TAFA5: variants seen among roughly 807,000 people sequenced by gnomAD.
TAFA5 encodes the protein chemokine-like protein TAFA-5.
A neutral mutation model predicts 15.3 loss-of-function variants in TAFA5; 6 were observed. The observed-to-expected ratio is 0.39, with a 90% CI of 0.21 to 0.77. The LOEUF (loss-of-function observed/expected upper bound fraction) is 0.77, where lower values mean the gene tolerates loss of function less well. Ranked by LOEUF, TAFA5 falls within the 30% of genes least tolerant of loss-of-function variation. The pLI, the probability that TAFA5 is intolerant of heterozygous loss-of-function variation, is 0.41. For synonymous variants in TAFA5, 103 were observed against 80.7 expected, an observed-to-expected ratio of 1.28 and a Z score of -1.48; for missense variants, 161 against 193.1, an observed-to-expected ratio of 0.83 and a Z score of 0.98.
chr22:48,540,074 C>T (rs1324043236), intron 1 of TAFA5, among the ~76,000 whole-genome samples: 2 of 152,220 alleles, frequency 1.3e-5, no homozygotes, highest in East Asian at 3.9e-4. Flanking sequence ...GCCGGCAAGC[C>T]TTGACTGCAG....
chr22:48,749,152 T>TGAGGATTGCTTGGAGCACC (rs1237036643), intron 3 of TAFA5, among the ~76,000 whole-genome samples: 2 of 152,168 alleles, frequency 1.3e-5, no homozygotes, highest in African/African-American at 4.8e-5. Flanking sequence ...CAAGGAGCAC[T>TGAGGATTGCTTGGAGCACC]GAGGATTGCT....
intron 1 of TAFA5, among the ~76,000 whole-genome samples, chr22:48,599,999 C>T (rs1279532014): frequency 6.6e-6 from 1 of 152,150 alleles, no homozygotes; most frequent in Non-Finnish European, 1.5e-5. Flanking sequence ...AGCTCTCCCC[C>T]CGTCTGTCTC....
intron 3 of TAFA5, among the ~76,000 whole-genome samples, chr22:48,722,078 T>C (rs130179): frequency 0.4 from 60,261 of 151,920 alleles, 12,899 homozygotes; most frequent in Non-Finnish European, 0.48. Context: ...CTGGGTCAAA[T>C]AGTATTTCTA....
intron 3 of TAFA5, among the ~76,000 whole-genome samples, chr22:48,745,821 A>T (rs1181037927): frequency 6.6e-6 from 1 of 152,028 alleles, no homozygotes; most frequent in East Asian, 1.9e-4. Context: ...CACAGGCTGG[A>T]GCTTGGTGTC....
intron 1 of TAFA5, among the ~76,000 whole-genome samples, chr22:48,496,484 A>T (rs746121268): frequency 6.6e-6 from 1 of 152,182 alleles, no homozygotes; most frequent in Non-Finnish European, 1.5e-5. Flanking sequence ...CCAGAAGGTC[A>T]CGTGGATGTG....
intron 3 of TAFA5, among the ~76,000 whole-genome samples, chr22:48,717,304 A>G (rs1929430032): frequency 6.6e-6 from 1 of 152,220 alleles, no homozygotes; most frequent in South Asian, 2.1e-4. Flanking sequence ...CACTGCTGGA[A>G]CGGGCCGTCA....
chr22:48,711,168 AG>A (rs1158429781), intron 3 of TAFA5, among the ~76,000 whole-genome samples: 3 of 152,170 alleles, frequency 2.0e-5, no homozygotes, highest in African/African-American at 7.2e-5. Flanking sequence ...CAGCAGAGGA[AG>A]GACGGCTGTC....
At chr22:48,677,447 C>G (rs1282683541) in intron 2 of TAFA5, among the ~76,000 whole-genome samples, 2 of 152,232 alleles carry the variant, frequency 1.3e-5, no homozygotes, top group African/African-American at 2.4e-5. Flanking sequence ...GCTGTAGTGA[C>G]CTTCCCGTGT....
intron 2 of TAFA5, among the ~76,000 whole-genome samples, chr22:48,706,841 T>C (rs1476258702): frequency 6.6e-6 from 1 of 152,260 alleles, no homozygotes; most frequent in East Asian, 1.9e-4. Flanking sequence ...GTTATGTTAA[T>C]ACAATCAGCT....
chr22:48,663,668 G>A (rs1273904870), intron 2 of TAFA5, among the ~76,000 whole-genome samples: 2 of 152,184 alleles, frequency 1.3e-5, no homozygotes, highest in African/African-American at 2.4e-5. Flanking sequence ...TAAATTGCAC[G>A]TCATTCTGAG....
At chr22:48,593,971 TTC>T (rs1168664957) in intron 1 of TAFA5, among the ~76,000 whole-genome samples, 1 of 152,212 alleles carries the variant, frequency 6.6e-6, no homozygotes, top group Admixed American at 6.5e-5. Context: ...TCCTATTATT[TTC>T]TCTATCTTCT....
chr22:48,730,944 C>T (rs542425701), intron 3 of TAFA5, among the ~76,000 whole-genome samples: 1 of 152,250 alleles, frequency 6.6e-6, no homozygotes, highest in African/African-American at 2.4e-5. Context: ...TAGAAGTGAT[C>T]GAGCTTCGTG....
intron 2 of TAFA5, among the ~76,000 whole-genome samples, chr22:48,673,990 C>T (rs1927885519): frequency 6.6e-6 from 1 of 151,928 alleles, no homozygotes; most frequent in South Asian, 2.1e-4. Context: ...TTGCCCACCT[C>T]ACATCTGGAC....
chr22:48,603,400 G>A (rs1298537719), intron 1 of TAFA5, among the ~76,000 whole-genome samples: 2 of 152,246 alleles, frequency 1.3e-5, no homozygotes, highest in Non-Finnish European at 2.9e-5. Flanking sequence ...CAGCAAGCAC[G>A]TGTGGCTGGG....
chr22:48,739,920 G>A (rs569527278), intron 3 of TAFA5, among the ~76,000 whole-genome samples: 4 of 152,190 alleles, frequency 2.6e-5, no homozygotes, highest in Admixed American at 6.5e-5. Flanking sequence ...CCGTCAGGAC[G>A]TTGAGTCAGC....
chr22:48,644,417 C>T (rs1167097079), intron 1 of TAFA5, among the ~76,000 whole-genome samples: 3 of 152,230 alleles, frequency 2.0e-5, no homozygotes, highest in Non-Finnish European at 2.9e-5. Flanking sequence ...TGGCCTGGGG[C>T]ACCTTGGACA....
chr22:48,587,428 G>T (rs1442622118), intron 1 of TAFA5, among the ~76,000 whole-genome samples: 1 of 152,194 alleles, frequency 6.6e-6, no homozygotes, highest in Non-Finnish European at 1.5e-5. Context: ...GCAGCTGTTT[G>T]TGGGCAGTCC....
At chr22:48,581,601 G>A (rs928063139) in intron 1 of TAFA5, among the ~76,000 whole-genome samples, 3 of 152,228 alleles carry the variant, frequency 2.0e-5, no homozygotes, top group African/African-American at 7.2e-5. Flanking sequence ...TGCAGACACA[G>A]CCCAAGAGCC....
rs1168811473 is a variant in TAFA5 at position 48,750,135 on chromosome 22, C to T, written c.*288C>T. The T allele has an allele frequency of 8.0e-6, 4 of 499,346 alleles. No individual in the cohort carries two copies. Among genetic ancestry groups the T allele is most frequent in the Admixed American group, 3.5e-5 (1 of 28,256 alleles). The allele number at this position is 499,346 out of a possible 1,614,324, so 30.9% of individuals were successfully genotyped here. ...CGCGCCCAGCCCCCGCCGACCGTGG[C>T]GTTGGCCCTGCTGTCCTCAGAGGAG... On this transcript the variant is annotated 3_prime_UTR_variant, in exon 4 of 4. Transcript: ENST00000402357.
Sources: allele counts gnomAD v4.1 joint callset (sites outside exome capture counted in the v4.1 genomes callset), GRCh38; gene constraint gnomAD v4.1.1; transcripts MANE v1.5; gene names NCBI Gene and HGNC (gene_info 2026-07-23, HGNC 2026-07-21).